Variants in TIMM44 observed in about 807,000 individuals in gnomAD.
TIMM44 encodes translocase of inner mitochondrial membrane 44.
In TIMM44, 37 loss-of-function variants were observed where a neutral mutation model predicts 63.8. The observed-to-expected ratio is 0.58, with a 90% CI of 0.45 to 0.76. TIMM44 has a LOEUF of 0.76. Among genes scored for constraint, TIMM44 ranks in the 30% least tolerant of loss-of-function variants. The probability of loss-of-function intolerance (pLI) is 0.00; values close to 1 mark genes in which losing one functional copy is unlikely to be tolerated. For missense variants in TIMM44, 573 were observed against 603.8 expected (o/e 0.95, Z 0.54); for synonymous variants, 239 against 245.1 (o/e 0.98, Z 0.23).
chr19:7,943,516 G>T lies in TIMM44; in HGVS notation c.45+91C>A. On this transcript the variant is annotated intron_variant, in intron 1 of 12. Coordinates refer to ENST00000270538, the MANE Select transcript of TIMM44 (RefSeq NM_006351.4). The surrounding 1 kb of genome is among the most constrained non-coding windows in gnomAD (Gnocchi z 4.3). Reference sequence around the variant, plus strand: ...TTTCTAAGGAGCCCAAGCAAGGGTCGCGAAGGCCAAGGGTCTGAGAAGAAA... The same window carrying T: ...TTTCTAAGGAGCCCAAGCAAGGGTCTCGAAGGCCAAGGGTCTGAGAAGAAA... 1 of 1,444,716 alleles carries T rather than the reference G, an allele frequency of 6.9e-7. No individual in the cohort carries two copies. The highest frequency in any genetic ancestry group is 9.4e-7 in the Non-Finnish European group (1 of 1,063,326). 89.5% of individuals were successfully genotyped at this position (1,444,716 alleles called of 1,614,324 possible).
chr19:7,934,852 G>A lies in TIMM44; in HGVS notation c.393+213C>T, dbSNP rs761020479. On this transcript the variant is annotated intron_variant, in intron 4 of 12. Coordinates refer to ENST00000270538, the MANE Select transcript of TIMM44 (RefSeq NM_006351.4). The surrounding 1 kb of genome is among the most constrained non-coding windows in gnomAD (Gnocchi z 5.3). Reference sequence around the variant, plus strand: ...CTGGCTAGCAGCACTTACTGCTGCCGACTCCCTGGGTCAACGGTCATGCAA... The same window carrying A: ...CTGGCTAGCAGCACTTACTGCTGCCAACTCCCTGGGTCAACGGTCATGCAA... 1.8e-4 allele frequency among the ~76,000 whole-genome samples: 27 copies of A among 152,082 alleles called. No homozygotes were observed. The highest frequency in any genetic ancestry group is 4.3e-4 in the African/African-American group (18 of 41,416).
intron 1 of TIMM44, among the ~76,000 whole-genome samples, chr19:7,942,662 C>CT (rs869229145): frequency 0.16 from 22,148 of 139,470 alleles, 2,206 homozygotes; most frequent in Non-Finnish European, 0.23. Flanking sequence ...TTGAGGATAA[C>CT]TTTTTTTTTT....
chr19:7,931,123 A>G lies in TIMM44; in HGVS notation c.1038+15T>C. ...GCCTTAAAAAAAAAAAAAGAAAAAG[A>G]AAGGAAGTACTCACAGCTTCATAGC... On this transcript the variant is annotated intron_variant, in intron 10 of 12. Transcript: ENST00000270538. 2 of 1,610,994 alleles carry G rather than the reference A, an allele frequency of 1.2e-6. No individual in the cohort carries two copies.
chr19:7,935,757 A>T (rs1414569864), intron 3 of TIMM44, among the ~76,000 whole-genome samples: 1 of 152,082 alleles, frequency 6.6e-6, no homozygotes, highest in Admixed American at 6.6e-5. Context: ...GCCTGTCATC[A>T]CTGTGCCCCT....
At chr19:7,930,745 C>A (rs894166232) in intron 10 of TIMM44, among the ~76,000 whole-genome samples, 25 of 152,196 alleles carry the variant, frequency 1.6e-4, no homozygotes, top group Non-Finnish European at 2.8e-4. Context: ...CAGACCTAAC[C>A]AAAATTATTT....
Position 7,933,771 on chromosome 19 carries a change from G to T in TIMM44, c.683+93C>A. 1 of 1,574,548 alleles carries T rather than the reference G, an allele frequency of 6.4e-7. No homozygotes were observed. The highest frequency in any genetic ancestry group is 8.7e-7 in the Non-Finnish European group (1 of 1,150,160). ...GGGCAGAAGGCAAACTCAAGAAACGGACTCAGGAGGGAACCATTGGTGGGC... is the reference window on the plus strand; with the variant it reads ...GGGCAGAAGGCAAACTCAAGAAACGTACTCAGGAGGGAACCATTGGTGGGC... On this transcript the variant is annotated intron_variant, in intron 6 of 12. Coordinates refer to ENST00000270538, the MANE Select transcript of TIMM44 (RefSeq NM_006351.4). The surrounding 1 kb of genome is among the most constrained non-coding windows in gnomAD (Gnocchi z 4.3).
chr19:7,943,282 C>G lies in TIMM44; in HGVS notation c.45+325G>C, dbSNP rs1984360907. 2.0e-5 allele frequency among the ~76,000 whole-genome samples: 3 copies of G among 151,940 alleles called. No individual in the cohort carries two copies. The highest frequency in any genetic ancestry group is 4.4e-5 in the Non-Finnish European group (3 of 67,974). On this transcript the variant is annotated intron_variant, in intron 1 of 12. Transcript: ENST00000270538. The surrounding 1 kb of genome is among the most constrained non-coding windows in gnomAD (Gnocchi z 4.3). ...GTGAATTTCACGTTTTTTTGCCTTC[C>G]CCTCTACTTTTTTCCACGGGACGCC...
In TIMM44 at chr19:7,934,438, A is replaced by C. The variant is rs1984083823; in HGVS notation, c.394-200T>G. Among the ~76,000 whole-genome samples, 1 of 149,622 alleles carries C rather than the reference A, an allele frequency of 6.7e-6. No homozygotes were observed. Among genetic ancestry groups the C allele is most frequent in the African/African-American group, 2.5e-5 (1 of 40,370 alleles). On this transcript the variant is annotated intron_variant, in intron 4 of 12. Coordinates refer to ENST00000270538, the MANE Select transcript of TIMM44 (RefSeq NM_006351.4). The surrounding 1 kb of genome is among the most constrained non-coding windows in gnomAD (Gnocchi z 5.3). ...CCCCCAGAGCCACGAGCACACCGCC[A>C]CCCCCAGAGCCACGAGCACACCGGC...
intron 9 of TIMM44, chr19:7,931,601 G>A (rs1324376390): frequency 1.3e-5 from 3 of 227,704 alleles, no homozygotes; most frequent in East Asian, 1.1e-4. Context: ...ATTTCGGACT[G>A]CAAGGCCCAC....
At position 7,941,003 on chromosome 19, in the gene TIMM44, C is replaced by T. The variant is rs73923946; in HGVS notation, c.141+99G>A. ...CAGAAGGCCCACCACCGAGATGGTA[C>T]GAGCCACCTCTACAGCCCCACCCCT... On this transcript the variant is annotated intron_variant, in intron 2 of 12. Transcript: ENST00000270538. 9.3e-3 allele frequency: 8,858 copies of T among 949,244 alleles called. 449 individuals carry two copies. In the African/African-American group the frequency reaches 0.12, roughly 12 times the overall value. The allele number at this position is 949,244 out of a possible 1,614,324, so 58.8% of individuals were successfully genotyped here.
chr19:7,931,992 T>C (rs765804707), intron 9 of TIMM44, among the ~76,000 whole-genome samples: 1 of 152,170 alleles, frequency 6.6e-6, no homozygotes, highest in Non-Finnish European at 1.5e-5. Context: ...GGGCCAAGGA[T>C]GGAGAGTCCC....
chr19:7,926,978 T>A lies in TIMM44; in HGVS notation c.*209A>T, dbSNP rs898951446. On this transcript the variant is annotated 3_prime_UTR_variant, in exon 13 of 13. Transcript: ENST00000270538. ...GCAGGGCAGAGCAACAGGGCAGGGG[T>A]TGGCCCTGCGGGGGAGTGTCTCCAG... The A allele has an allele frequency of 4.6e-6, 3 of 645,426 alleles. No homozygotes were observed. In the African/African-American group the frequency reaches 5.4e-5, roughly 12 times the overall value. The allele number at this position is 645,426 out of a possible 1,614,324, so 40.0% of individuals were successfully genotyped here.
Position 7,943,528 on chromosome 19 carries a change from G to A in TIMM44, c.45+79C>T, listed in dbSNP as rs1167475381. 1.3e-6 allele frequency: 2 copies of A among 1,494,382 alleles called. No homozygotes were observed. The highest frequency in any genetic ancestry group is 3.9e-5 in the Admixed American group (2 of 51,452). The allele number at this position is 1,494,382 out of a possible 1,614,324, so 92.6% of individuals were successfully genotyped here. On this transcript the variant is annotated intron_variant, in intron 1 of 12. Transcript: ENST00000270538. This position sits in a 1 kb window ranked among gnomAD's most constrained non-coding sequence, Gnocchi z 4.3. ...CCAAGCAAGGGTCGCGAAGGCCAAGGGTCTGAGAAGAAAGCCTTGGTGGCC... is the reference window on the plus strand; with the variant it reads ...CCAAGCAAGGGTCGCGAAGGCCAAGAGTCTGAGAAGAAAGCCTTGGTGGCC...
At chr19:7,937,334 G>T (rs932479177) in intron 3 of TIMM44, among the ~76,000 whole-genome samples, 1 of 152,236 alleles carries the variant, frequency 6.6e-6, no homozygotes, top group African/African-American at 2.4e-5. Flanking sequence ...GCTCCACTCA[G>T]AGGGCTACAG....
At chr19:7,935,673 C>T (rs946877578) in intron 3 of TIMM44, among the ~76,000 whole-genome samples, 2 of 152,206 alleles carry the variant, frequency 1.3e-5, no homozygotes, top group Non-Finnish European at 2.9e-5. Flanking sequence ...AGACTCGGGT[C>T]CCCGCTTGGC....
intron 2 of TIMM44, among the ~76,000 whole-genome samples, chr19:7,939,026 GT>G (rs1984230556): frequency 2.1e-5 from 1 of 47,166 alleles, no homozygotes; most frequent in Non-Finnish European, 3.9e-5. Flanking sequence ...TAGGAAGAGG[GT>G]GAGATGAGTA....
chr19:7,936,938 T>C (rs1354305354), intron 3 of TIMM44, among the ~76,000 whole-genome samples: 2 of 151,522 alleles, frequency 1.3e-5, no homozygotes, highest in African/African-American at 4.9e-5. Flanking sequence ...CTGTCTTTAC[T>C]AAAAATACAA....
intron 2 of TIMM44, among the ~76,000 whole-genome samples, chr19:7,939,004 C>T (rs1417955007): frequency 2.9e-3 from 1 of 344 alleles, no homozygotes; most frequent in Non-Finnish European, 6.5e-3. Context: ...TCAGTGGTTG[C>T]CAGGGGTTTG....
Position 7,933,831 on chromosome 19 carries a change from TG to T in TIMM44, c.683+32del, listed in dbSNP as rs1272162524. The T allele has an allele frequency of 2.5e-6, 4 of 1,613,382 alleles. No homozygotes were observed. In the Admixed American group the frequency reaches 5.0e-5, roughly 20 times the overall value. On this transcript the variant is annotated intron_variant, in intron 6 of 12. Coordinates refer to ENST00000270538, the MANE Select transcript of TIMM44 (RefSeq NM_006351.4). This position sits in a 1 kb window ranked among gnomAD's most constrained non-coding sequence, Gnocchi z 4.3. ...GGACAGCAGTGAAAGCTGCCCAAAA[TG>T]GGGGCAGCGAGGGCCACGGGCTGGT...
Sources: gnomAD v4.1 joint callset for allele counts (sites outside exome capture counted in the v4.1 genomes callset) on GRCh38, gnomAD v4.1.1 for gene constraint, Gnocchi (gnomAD v3.1) non-coding constraint, MANE v1.5 for transcripts, NCBI Gene and HGNC (gene_info 2026-07-23, HGNC 2026-07-21) for gene names.